The following ASTN1 variants were observed in gnomAD, a reference collection of about 807,000 sequenced individuals.
ASTN1 encodes the protein astrotactin 1.
In ASTN1, 41 loss-of-function variants were observed where a neutral mutation model predicts 140.7. That is an observed-to-expected ratio of 0.29 (90% CI 0.23 to 0.38). The LOEUF (loss-of-function observed/expected upper bound fraction) is 0.38, where lower values mean the gene tolerates loss of function less well. Ranked by LOEUF, ASTN1 falls within the 10% of genes least tolerant of loss-of-function variation. The pLI, the probability that ASTN1 is intolerant of heterozygous loss-of-function variation, is 1.00. For synonymous variants in ASTN1, 640 were observed against 652.2 expected (o/e 0.98, Z 0.29); for missense variants, 1,479 against 1,678.8 (o/e 0.88, Z 2.08).
At chr1:176,980,788 AAAG>A (rs1055959211) in intron 8 of ASTN1, among the ~76,000 whole-genome samples, 6 of 152,198 alleles carry the variant, frequency 3.9e-5, no homozygotes, top group Admixed American at 2.6e-4. Flanking sequence ...TACCTAAAAT[AAAG>A]AAGAATTTGA....
chr1:177,030,825 C>T lies in ASTN1; in HGVS notation c.993G>A (p.Arg331=). Residue 331 remains arginine, a synonymous_variant, in exon 4 of 23, where the codon CGG becomes CGA. Transcript: ENST00000361833. ...LSHTSSSQRK[R]INNKARAGSA... Reference sequence around the variant, plus strand: ...GCATACCTCTTGCTTTGTTGTTGATCCGCTTTCTCTGGCTGCTGGAGGTGT... The same window carrying T: ...GCATACCTCTTGCTTTGTTGTTGATTCGCTTTCTCTGGCTGCTGGAGGTGT... 8 of 1,614,108 alleles carry T rather than the reference C, an allele frequency of 5.0e-6. No individual in the cohort carries two copies. Among genetic ancestry groups the T allele is most frequent in the Non-Finnish European group, 6.8e-6 (8 of 1,180,008 alleles).
At chr1:177,142,031 C>G (rs1682494736) in intron 1 of ASTN1, among the ~76,000 whole-genome samples, 1 of 152,118 alleles carries the variant, frequency 6.6e-6, no homozygotes, top group Admixed American at 6.6e-5. Flanking sequence ...CTTCATGCAT[C>G]CAGGGGGTGG....
chr1:176,860,676 C>T (rs1050231024), downstream of ASTN1, among the ~76,000 whole-genome samples: 1 of 152,158 alleles, frequency 6.6e-6, no homozygotes, highest in African/African-American at 2.4e-5. Context: ...GCATCCTGTG[C>T]TTCTTTATCA....
At chr1:177,085,553 T>A (rs148181724) in intron 1 of ASTN1, among the ~76,000 whole-genome samples, 1 of 152,282 alleles carries the variant, frequency 6.6e-6, no homozygotes, top group Non-Finnish European at 1.5e-5. Context: ...TAAACCCCAC[T>A]TTGCCACTTA....
chr1:176,883,841 C>A (rs914525823), intron 19 of ASTN1, among the ~76,000 whole-genome samples: 2 of 139,538 alleles, frequency 1.4e-5, no homozygotes, highest in African/African-American at 4.9e-5. Flanking sequence ...TTTGTTAAGG[C>A]TTCCCTCTTA....
chr1:176,996,698 T>C (rs1418818048), intron 8 of ASTN1, among the ~76,000 whole-genome samples: 1 of 152,158 alleles, frequency 6.6e-6, no homozygotes, highest in African/African-American at 2.4e-5. Context: ...CAAGGGCACA[T>C]CAGGGGTTGC....
intron 1 of ASTN1, among the ~76,000 whole-genome samples, chr1:177,062,016 G>C (rs143981781): frequency 6.6e-6 from 1 of 152,066 alleles, no homozygotes; most frequent in East Asian, 1.9e-4. Context: ...AGCAAAATAC[G>C]AAAACTGACT....
chr1:177,098,749 C>T (rs1316125866), intron 1 of ASTN1, among the ~76,000 whole-genome samples: 1 of 152,196 alleles, frequency 6.6e-6, no homozygotes, highest in Non-Finnish European at 1.5e-5. Context: ...CATTCCTTCT[C>T]TCCATCTGCC....
chr1:177,164,564 T>C lies in ASTN1; in HGVS notation c.113A>G (p.Lys38Arg). 6.2e-7 allele frequency: 1 copy of C among 1,613,798 alleles called. No homozygotes were observed. Among genetic ancestry groups the C allele is most frequent in the Non-Finnish European group, 8.5e-7 (1 of 1,179,902 alleles). Residue 38 changes from lysine to arginine, a missense_variant, in exon 1 of 23, where the codon AAA (lysine) becomes AGA (arginine). Physicochemically the swap from Lys to Arg is conservative, Grantham distance 26. This residue lies in a region of ASTN1 where 729 missense variants were observed against 860.4 expected (regional missense o/e 0.85). Transcript: ENST00000361833. ...DPSKELECKL[K>R]SITVSALPFL... ...GGGCAGTGCCGACACCGTGATGCTTTTGAGCTTGCACTCCAGCTCCTTGGA... is the reference window on the plus strand; with the variant it reads ...GGGCAGTGCCGACACCGTGATGCTTCTGAGCTTGCACTCCAGCTCCTTGGA...
At chr1:176,942,632 C>T (rs1203000979) in intron 14 of ASTN1, among the ~76,000 whole-genome samples, 1 of 151,426 alleles carries the variant, frequency 6.6e-6, no homozygotes. Context: ...AGTCACCCCA[C>T]TGCTCACTGA....
chr1:177,065,885 T>TTAC (rs1392658960), intron 1 of ASTN1, among the ~76,000 whole-genome samples: 1 of 152,176 alleles, frequency 6.6e-6, no homozygotes, highest in Non-Finnish European at 1.5e-5. Context: ...CAATAAGATC[T>TTAC]TACTATAACT....
intron 1 of ASTN1, among the ~76,000 whole-genome samples, chr1:177,066,007 A>G (rs915753771): frequency 6.6e-6 from 1 of 152,206 alleles, no homozygotes; most frequent in Non-Finnish European, 1.5e-5. Context: ...TCGTCTGAAC[A>G]AGGAGGATCT....
intron 8 of ASTN1, among the ~76,000 whole-genome samples, chr1:176,982,116 G>T (rs983002837): frequency 2.0e-5 from 3 of 152,246 alleles, no homozygotes; most frequent in African/African-American, 7.2e-5. Context: ...TCCAGCTGCA[G>T]AATAAGCAGG....
chr1:177,066,589 C>G (rs1414036306), intron 1 of ASTN1, among the ~76,000 whole-genome samples: 1 of 152,140 alleles, frequency 6.6e-6, no homozygotes, highest in East Asian at 1.9e-4. Flanking sequence ...GCCCTGTTCC[C>G]TCTTTGGGCA....
intron 13 of ASTN1, among the ~76,000 whole-genome samples, chr1:176,945,535 C>A (rs1308073276): frequency 6.6e-6 from 1 of 152,082 alleles, no homozygotes; most frequent in African/African-American, 2.4e-5. Context: ...CTTGGATATG[C>A]CCTAAGAGGG....
intron 1 of ASTN1, among the ~76,000 whole-genome samples, chr1:177,147,807 C>G (rs1393691997): frequency 6.6e-6 from 1 of 152,150 alleles, no homozygotes; most frequent in East Asian, 1.9e-4. Context: ...TAAGTCAACT[C>G]ATGCCAAAAA....
chr1:176,860,809 C>T (rs115854691), downstream of ASTN1, among the ~76,000 whole-genome samples: 1,857 of 152,330 alleles, frequency 0.012, 12 homozygotes, highest in Admixed American at 0.018. Context: ...AATATAGCAG[C>T]TGTGCAACAA....
chr1:177,060,892 A>G (rs542198405), intron 2 of ASTN1, among the ~76,000 whole-genome samples, 186 bp downstream of exon 2: 1 of 152,322 alleles, frequency 6.6e-6, no homozygotes, highest in Admixed American at 6.5e-5. Flanking sequence ...TACTGTTAGA[A>G]ATAGTTGCAA....
chr1:177,102,003 A>C lies in ASTN1; in HGVS notation c.284-40738T>G, dbSNP rs1370589903. Among the ~76,000 whole-genome samples, 3 of 152,248 alleles carry C rather than the reference A, an allele frequency of 2.0e-5. No homozygotes were observed. In the East Asian group the frequency reaches 5.8e-4, roughly 29 times the overall value. ...TAAAAATGGATCTATTAGGATAATG[A>C]GTGAGTTCACACCTGTCATTTTCAA... is the stretch of plus-strand genomic sequence containing the variant. On this transcript the variant is annotated intron_variant, in intron 1 of 22. Transcript: ENST00000361833.
Sources: gnomAD v4.1 joint callset for allele counts (sites outside exome capture counted in the v4.1 genomes callset) on GRCh38, gnomAD v4.1.1 for gene constraint, gnomAD v4.1.1 regional missense constraint, MANE v1.5 for transcripts, NCBI Gene and HGNC (gene_info 2026-07-23, HGNC 2026-07-21) for gene names.